The following ACACB variants were observed in gnomAD, a reference collection of about 807,000 sequenced individuals.
ACACB encodes the protein acetyl-CoA carboxylase beta.
ACACB carries 209 observed loss-of-function variants against 278.8 expected under a neutral mutation model. The ratio of observed to expected loss-of-function variants is 0.75; its 90% CI spans 0.67 to 0.84. ACACB has a LOEUF of 0.84. Ranked by LOEUF, ACACB falls within the 40% of genes least tolerant of loss-of-function variation. The pLI is 0.00. For missense variants in ACACB, 2,850 were observed against 3,269.0 expected (o/e 0.87, Z 3.13); for synonymous variants, 1,174 against 1,285.6 (o/e 0.91, Z 1.86).
rs191173468 is a variant in ACACB, at chr12:109,198,799, T to A, written c.2628-603T>A. 6.3e-3 allele frequency among the ~76,000 whole-genome samples: 956 copies of A among 152,106 alleles called. 8 individuals are homozygous for A. Among genetic ancestry groups the A allele is most frequent in the Non-Finnish European group, 9.7e-3 (657 of 67,956 alleles). ...CCACGCCCAGCTATTTTTTTTTTTT[T>A]ATTTTTTGTAGAGGCAGGGTCTCAC... On this transcript the variant is annotated intron_variant, in intron 17 of 52. Transcript: ENST00000338432.
At chr12:109,185,454 T>TA in intron 11 of ACACB, 125 bp from the exon 12 acceptor site, 1 of 1,021,222 alleles carries the variant, frequency 9.8e-7, no homozygotes, top group Non-Finnish European at 1.5e-6. Flanking sequence ...ATGTTGTCTA[T>TA]AGAGTAGTGT....
Position 109,210,382 on chromosome 12 carries a change from CAT to C in ACACB, c.3249+1030_3249+1031del, listed in dbSNP as rs1491369520. Among the ~76,000 whole-genome samples the C allele has an allele frequency of 8.6e-4, 97 of 113,340 alleles. 3 individuals are homozygous for C. The highest frequency in any genetic ancestry group is 1.1e-3 in the Non-Finnish European group (62 of 55,892). The allele number at this position is 113,340 out of a possible 152,430, so 74.4% of individuals were successfully genotyped here. On this transcript the variant is annotated intron_variant, in intron 21 of 52. Coordinates refer to ENST00000338432, the MANE Select transcript of ACACB (RefSeq NM_001093.4). ...GTATATATGTATATACACGCACACACATGTGTATATATGTATATACACGCACA... is the reference window on the plus strand; with the variant it reads ...GTATATATGTATATACACGCACACACGTGTATATATGTATATACACGCACA...
At chr12:109,237,847 A>G (rs1168422878) in intron 34 of ACACB, among the ~76,000 whole-genome samples, 1 of 151,948 alleles carries the variant, frequency 6.6e-6, no homozygotes, top group East Asian at 1.9e-4. Context: ...CCCTGTGTCT[A>G]CTAAAAATAC....
At chr12:109,140,843 G>A (rs1565858227) in intron 2 of ACACB, among the ~76,000 whole-genome samples, 1 of 151,692 alleles carries the variant, frequency 6.6e-6, no homozygotes, top group Non-Finnish European at 1.5e-5. Flanking sequence ...AGTCTAGAGG[G>A]AGGGGCAGTT....
intron 28 of ACACB, among the ~76,000 whole-genome samples, chr12:109,232,076 G>C (rs1318122310): frequency 6.6e-6 from 1 of 152,214 alleles, no homozygotes; most frequent in African/African-American, 2.4e-5. Context: ...GGGGCCTGCT[G>C]TGCTGACTTC....
rs1334217412 is a variant in ACACB at position 109,193,727 on chromosome 12, A to G, written c.2479A>G (p.Lys827Glu). 4 of 1,609,600 alleles carry G rather than the reference A, an allele frequency of 2.5e-6. No individual in the cohort carries two copies. The South Asian group carries it at 4.4e-5, about 18-fold the overall frequency. The change falls in exon 16 of 53, where the codon AAG becomes GAG. Residue 827 changes from lysine (K) to glutamate (E), a missense_variant and splice_region_variant. Physicochemically the swap from Lys to Glu is moderately conservative, Grantham distance 56 (BLOSUM62 1). This residue lies in a region of ACACB where 2,265 missense variants were observed against 2,561.3 expected (regional missense o/e 0.88). Transcript: ENST00000338432. ...TTACGGAGGTGTTAAGTACATTCTCAAGGTAAATGCCCCCGTGCCTCTCCG... is the reference window on the plus strand; with the variant it reads ...TTACGGAGGTGTTAAGTACATTCTCGAGGTAAATGCCCCCGTGCCTCTCCG... The part of the protein sequence containing the change: ...LIYGGVKYIL[K>E]VARQSLTMFV...
At position 109,212,890 on chromosome 12, in the gene ACACB, G is replaced by C; in HGVS notation, c.3304G>C (p.Glu1102Gln). The C allele has an allele frequency of 6.2e-7, 1 of 1,614,150 alleles. No individual in the cohort carries two copies. The highest frequency in any genetic ancestry group is 8.5e-7 in the Non-Finnish European group (1 of 1,179,998). The change falls in exon 22 of 53, where the codon GAG (glutamate) becomes CAG (glutamine). Residue 1102 changes from glutamate (E) to glutamine (Q), a missense_variant. Physicochemically the swap from Glu to Gln is conservative, Grantham distance 29 (BLOSUM62 2). This residue lies in a region of ACACB where 2,265 missense variants were observed against 2,561.3 expected (regional missense o/e 0.88). Transcript: ENST00000338432. ...AATLQRKADR[E>Q]VFFINTQSIV... ...CACCCTGCAGCGGAAGGCTGATCGAGAGGTCTTCTTCATCAACACCCAGAG... is the reference window on the plus strand; with the variant it reads ...CACCCTGCAGCGGAAGGCTGATCGACAGGTCTTCTTCATCAACACCCAGAG...
chr12:109,200,245 G>A (rs1391082921), intron 18 of ACACB, among the ~76,000 whole-genome samples: 7 of 151,668 alleles, frequency 4.6e-5, no homozygotes, highest in Non-Finnish European at 8.8e-5. Flanking sequence ...GTGTAGTGGC[G>A]TGATCTTGTC....
chr12:109,158,690 A>C (rs2043621507), intron 2 of ACACB, among the ~76,000 whole-genome samples: 1 of 152,000 alleles, frequency 6.6e-6, no homozygotes, highest in South Asian at 2.1e-4. Flanking sequence ...AAAAACAAAT[A>C]AGGCTGGGTG....
At chr12:109,264,566 C>G (rs1310317118) in intron 50 of ACACB, among the ~76,000 whole-genome samples, 180 bp downstream of exon 50, 1 of 152,096 alleles carries the variant, frequency 6.6e-6, no homozygotes, top group Non-Finnish European at 1.5e-5. Context: ...CACTGCAGAC[C>G]AGTGAAATCC....
At position 109,267,144 on chromosome 12, in the gene ACACB, G is replaced by A. The variant is rs1283189107; in HGVS notation, c.*782G>A. 6.6e-6 allele frequency: 1 copy of A among 152,166 alleles called. No homozygotes were observed. The highest frequency in any genetic ancestry group is 1.5e-5 in the Non-Finnish European group (1 of 68,050). The allele number at this position is 152,166 out of a possible 1,614,324, so 9.4% of individuals were successfully genotyped here. ...AATCCACCCACCTTGGCCTCCCAAA[G>A]TGCTGGGATTACAGGCATGAGCCAC... On this transcript the variant is annotated 3_prime_UTR_variant, in exon 53 of 53. Transcript: ENST00000338432.
rs78478645 is a variant in ACACB, at chr12:109,256,797, C to T, written c.6263+561C>T. 5.0e-4 allele frequency among the ~76,000 whole-genome samples: 76 copies of T among 152,342 alleles called. No individual in the cohort carries two copies. In the East Asian group the frequency reaches 0.013, roughly 26 times the overall value. On this transcript the variant is annotated intron_variant, in intron 45 of 52. Transcript: ENST00000338432. The stretch of plus-strand genomic sequence containing the variant: ...TCCAGGCTCTGCATTAGACCTGAGG[C>T]CAAGCCCCATCTCCATCACTCACCC...
intron 21 of ACACB, 143 bp from the exon 22 acceptor site, chr12:109,212,693 C>T: frequency 1.5e-6 from 1 of 668,388 alleles, no homozygotes; most frequent in South Asian, 1.8e-5. Flanking sequence ...TCACCCACTG[C>T]TTACCTCCCA....
At chr12:109,245,505 A>T in intron 37 of ACACB, 121 bp from the exon 38 acceptor site, 1 of 1,073,610 alleles carries the variant, frequency 9.3e-7, no homozygotes, top group Non-Finnish European at 1.3e-6. Flanking sequence ...TTCATGATTC[A>T]AAAAGAGAGA....
chr12:109,179,144 C>T lies in ACACB; in HGVS notation c.1494C>T (p.Ala498=). 1 of 1,614,056 alleles carries T rather than the reference C, an allele frequency of 6.2e-7. No individual in the cohort carries two copies. Among genetic ancestry groups the T allele is most frequent in the Non-Finnish European group, 8.5e-7 (1 of 1,179,982 alleles). Residue 498 remains alanine (A), a synonymous_variant, in exon 10 of 53, where the codon GCC becomes GCT. Transcript: ENST00000338432. ...PIFLMKLAQH[A]RHLEVQILAD... ...TTCTCATGAAGCTGGCCCAGCACGC[C>T]CGTCACCTGGAAGTTCAGATCCTCG...
intron 1 of ACACB, among the ~76,000 whole-genome samples, chr12:109,119,553 G>A (rs931548470): frequency 2.7e-5 from 4 of 148,738 alleles, no homozygotes; most frequent in East Asian, 3.9e-4. Context: ...TGGTGCCACC[G>A]CACTCCAGCC....
At chr12:109,229,643 C>T (rs1042849678) in intron 28 of ACACB, among the ~76,000 whole-genome samples, 3 of 152,188 alleles carry the variant, frequency 2.0e-5, no homozygotes, top group Non-Finnish European at 4.4e-5. Flanking sequence ...GATTCTCCTG[C>T]CTCAGCCTCC....
At chr12:109,265,568 C>T (rs1394186748) in intron 52 of ACACB, 43 bp downstream of exon 52, 2 of 1,604,036 alleles carry the variant, frequency 1.2e-6, no homozygotes, top group Non-Finnish European at 8.5e-7. Context: ...CTGGCAAGGA[C>T]CCGAGCCTGG....
chr12:109,185,803 G>T (rs1358815562), intron 12 of ACACB, 63 bp downstream of exon 12: 25 of 1,506,338 alleles, frequency 1.7e-5, no homozygotes, highest in African/African-American at 4.2e-5. Flanking sequence ...GGGGACCCTG[G>T]ATGTTAGCCT....
Sources: gnomAD v4.1 joint callset for allele counts (sites outside exome capture counted in the v4.1 genomes callset) on GRCh38, gnomAD v4.1.1 for gene constraint, gnomAD v4.1.1 regional missense constraint, MANE v1.5 for transcripts, NCBI Gene and HGNC (gene_info 2026-07-23, HGNC 2026-07-21) for gene names.